The following EPHB2 variants were observed in gnomAD, a reference collection of about 807,000 sequenced individuals.
The protein encoded by EPHB2 is EPH receptor B2, also known as ephrin type-B receptor 2.
In EPHB2, 18 loss-of-function variants were observed where a neutral mutation model predicts 96.4. That is an observed-to-expected ratio of 0.19 (90% CI 0.13 to 0.28). The LOEUF is 0.28. Among genes scored for constraint, EPHB2 ranks in the 10% least tolerant of loss-of-function variants. The probability of loss-of-function intolerance (pLI) is 1.00; values close to 1 mark genes in which losing one functional copy is unlikely to be tolerated. For synonymous variants in EPHB2, 506 were observed against 534.1 expected, an observed-to-expected ratio of 0.95 and a Z score of 0.72; for missense variants, 989 against 1,355.4, an observed-to-expected ratio of 0.73 and a Z score of 4.25.
At chr1:22,717,873 C>G (rs184558994) in intron 1 of EPHB2, among the ~76,000 whole-genome samples, 4 of 152,258 alleles carry the variant, frequency 2.6e-5, no homozygotes, top group Admixed American at 2.6e-4. Flanking sequence ...ACTGTGTGTC[C>G]TCTGGCTTGT....
At chr1:22,882,654 C>T (rs540259519) in intron 6 of EPHB2, 171 bp downstream of exon 6, 97 of 981,928 alleles carry the variant, frequency 9.9e-5, no homozygotes, top group Admixed American at 9.7e-4. Flanking sequence ...CGCTCCTTCC[C>T]ACTGTGAGAC....
At chr1:22,775,144 G>GT in intron 1 of EPHB2, 1 of 777,404 alleles carries the variant, frequency 1.3e-6, no homozygotes, top group Non-Finnish European at 2.4e-6. Flanking sequence ...TGTGTTGTCT[G>GT]TTTTTTAAGG....
At chr1:22,849,232 G>A (rs1645588227) in intron 3 of EPHB2, among the ~76,000 whole-genome samples, 1 of 152,160 alleles carries the variant, frequency 6.6e-6, no homozygotes, top group African/African-American at 2.4e-5. Flanking sequence ...CTCAGGTGTT[G>A]CCTCTTCAAG....
At chr1:22,842,007 G>T (rs760373368) in intron 3 of EPHB2, among the ~76,000 whole-genome samples, 10 of 152,182 alleles carry the variant, frequency 6.6e-5, no homozygotes. Context: ...TCCAGCAGGG[G>T]TCCCATGGGG....
At chr1:22,804,856 T>C (rs1644901179) in intron 3 of EPHB2, among the ~76,000 whole-genome samples, 1 of 151,680 alleles carries the variant, frequency 6.6e-6, no homozygotes, top group Admixed American at 6.6e-5. Flanking sequence ...TCTGTTTCTC[T>C]CTCTCCCTCC....
At chr1:22,802,221 C>T (rs1205740984) in intron 3 of EPHB2, among the ~76,000 whole-genome samples, 1 of 152,094 alleles carries the variant, frequency 6.6e-6, no homozygotes, top group African/African-American at 2.4e-5. Flanking sequence ...AATGATGGCC[C>T]AGTTGGGTTA....
rs913851872 is a variant in EPHB2 at position 22,920,362 on chromosome 1, A to AC, written c.*6797dup. The AC allele has an allele frequency of 1.7e-4, 26 of 151,774 alleles. No individual in the cohort carries two copies. Among genetic ancestry groups the AC allele is most frequent in the African/African-American group, 6.3e-4 (26 of 41,258 alleles). The allele number at this position is 151,774 out of a possible 1,614,324, so 9.4% of individuals were successfully genotyped here. ...CAGGGCCAGGAATTTGCCTTGGGAG[A>AC]CCCCCACTGAGGAATATTTCCGAAG... is the stretch of plus-strand genomic sequence containing the variant. On this transcript the variant is annotated 3_prime_UTR_variant, in exon 16 of 16. Coordinates refer to ENST00000374630, the MANE Select transcript of EPHB2 (RefSeq NM_017449.5).
intron 3 of EPHB2, among the ~76,000 whole-genome samples, chr1:22,843,381 A>G (rs1425920083): frequency 6.6e-6 from 1 of 152,146 alleles, no homozygotes; most frequent in Non-Finnish European, 1.5e-5. Flanking sequence ...GTACATGTGA[A>G]GATTTGTCAT....
Position 22,917,289 on chromosome 1 carries a change from C to A in EPHB2, c.*3719C>A, listed in dbSNP as rs1172622166. ...GCTCCCGCCCTGCCCAGTTAATCCT[C>A]CTGCCTCACTGAAGCACAGGAAGGA... On this transcript the variant is annotated 3_prime_UTR_variant, in exon 16 of 16. Coordinates refer to ENST00000374630, the MANE Select transcript of EPHB2 (RefSeq NM_017449.5). 1.3e-5 allele frequency: 2 copies of A among 152,370 alleles called. No homozygotes were observed. Among genetic ancestry groups the A allele is most frequent in the Non-Finnish European group, 2.9e-5 (2 of 68,174 alleles). The allele number at this position is 152,370 out of a possible 1,614,324, so 9.4% of individuals were successfully genotyped here.
intron 14 of EPHB2, among the ~76,000 whole-genome samples, chr1:22,911,707 C>G (rs1640109997): frequency 6.6e-6 from 1 of 152,240 alleles, no homozygotes; most frequent in South Asian, 2.1e-4. Context: ...GGCATCTGGC[C>G]AGGTATACTT....
chr1:22,904,545 A>G (rs1639848537), intron 9 of EPHB2, among the ~76,000 whole-genome samples: 1 of 152,208 alleles, frequency 6.6e-6, no homozygotes, highest in African/African-American at 2.4e-5. Flanking sequence ...CCTGACCTCA[A>G]GGGTTAAACA....
chr1:22,747,314 C>G lies in EPHB2; in HGVS notation c.62-34107C>G, dbSNP rs369918797. Among the ~76,000 whole-genome samples, 224 of 152,296 alleles carry G rather than the reference C, an allele frequency of 1.5e-3. 1 individual carries two copies. Among genetic ancestry groups the G allele is most frequent in the African/African-American group, 5.2e-3 (218 of 41,576 alleles). On this transcript the variant is annotated intron_variant, in intron 1 of 15. Transcript: ENST00000374630. ...AATTTATTAAGCCCTTTTTCTGTGC[C>G]AAAGCACTCTGATAAGTGCTTTTAC... is the stretch of plus-strand genomic sequence containing the variant.
At chr1:22,816,799 C>A (rs1357926815) in intron 3 of EPHB2, among the ~76,000 whole-genome samples, 3 of 152,194 alleles carry the variant, frequency 2.0e-5, no homozygotes, top group Admixed American at 2.0e-4. Context: ...AGTGATGAGG[C>A]TAATGGTGGC....
In EPHB2 at chr1:22,778,506, G is replaced by C. The variant is rs183569233; in HGVS notation, c.62-2915G>C. ...ACCAGGTTGGGGAGAGAGCATGCTT[G>C]TGCTGCCTCCTGCCACAACCCAGAG... On this transcript the variant is annotated intron_variant, in intron 1 of 15. Coordinates refer to ENST00000374630, the MANE Select transcript of EPHB2 (RefSeq NM_017449.5). 4.4e-3 allele frequency among the ~76,000 whole-genome samples: 665 copies of C among 152,332 alleles called. 7 individuals carry two copies. The highest frequency in any genetic ancestry group is 0.015 in the African/African-American group (632 of 41,570).
At chr1:22,817,919 G>A (rs1006727538) in intron 3 of EPHB2, among the ~76,000 whole-genome samples, 3 of 152,196 alleles carry the variant, frequency 2.0e-5, no homozygotes, top group Non-Finnish European at 4.4e-5. Flanking sequence ...GGGTTAGACT[G>A]GGAGGTGGGA....
At chr1:22,882,960 A>T (rs116358684) in intron 6 of EPHB2, 34 of 227,046 alleles carry the variant, frequency 1.5e-4, no homozygotes, top group Admixed American at 6.8e-4. Flanking sequence ...TGCCCTTTGC[A>T]TGGGGAGAGG....
rs1643751757 is a variant in EPHB2, at chr1:22,733,043, T to C, written c.61+22000T>C. ...GTATGTTCCCCCTCCTAGGCTGCCT[T>C]TCTTTCTTTCTTTCTTTCTTTTTTT... On this transcript the variant is annotated intron_variant, in intron 1 of 15. Transcript: ENST00000374630. The surrounding 1 kb of genome is among the most constrained non-coding windows in gnomAD (Gnocchi z 4.6). 6.6e-6 allele frequency among the ~76,000 whole-genome samples: 1 copy of C among 151,966 alleles called. No individual in the cohort carries two copies. The highest frequency in any genetic ancestry group is 2.1e-4 in the South Asian group (1 of 4,828).
At chr1:22,848,710 CTTG>C (rs1645580291) in intron 3 of EPHB2, among the ~76,000 whole-genome samples, 2 of 152,152 alleles carry the variant, frequency 1.3e-5, no homozygotes, top group East Asian at 3.8e-4. Flanking sequence ...AATCAAGATC[CTTG>C]TTGTTTGTAT....
intron 3 of EPHB2, among the ~76,000 whole-genome samples, chr1:22,861,841 T>A (rs1452972728): frequency 2.0e-5 from 3 of 152,206 alleles, no homozygotes; most frequent in Non-Finnish European, 4.4e-5. Context: ...CAGAAACTAA[T>A]GTCCAGAGAA....
Sources: allele counts gnomAD v4.1 joint callset (sites outside exome capture counted in the v4.1 genomes callset), GRCh38; gene constraint gnomAD v4.1.1; non-coding constraint Gnocchi (gnomAD v3.1); transcripts MANE v1.5; gene names NCBI Gene and HGNC (gene_info 2026-07-23, HGNC 2026-07-21).